The following NEK7 variants were observed in gnomAD, a reference collection of about 807,000 sequenced individuals.
NEK7 encodes serine/threonine-protein kinase Nek7.
A neutral mutation model predicts 44.6 loss-of-function variants in NEK7; 18 were observed. That is an observed-to-expected ratio of 0.40 (90% CI 0.28 to 0.60). The LOEUF (loss-of-function observed/expected upper bound fraction) is 0.60, where lower values mean the gene tolerates loss of function less well. NEK7 is among the 20% of genes least tolerant of loss of function. The pLI, the probability that NEK7 is intolerant of heterozygous loss-of-function variation, is 0.38. For synonymous variants in NEK7, 130 were observed against 121.1 expected, an observed-to-expected ratio of 1.07 and a Z score of -0.48; for missense variants, 256 against 366.5, an observed-to-expected ratio of 0.70 and a Z score of 2.46.
intron 9 of NEK7, among the ~76,000 whole-genome samples, chr1:198,306,002 T>C (rs1655014854): frequency 6.6e-6 from 1 of 152,160 alleles, no homozygotes; most frequent in Non-Finnish European, 1.5e-5. Flanking sequence ...ATATAAAAGC[T>C]TGGGCGCTGG....
At chr1:198,309,690 G>A (rs1332420531) in intron 9 of NEK7, among the ~76,000 whole-genome samples, 5 of 151,460 alleles carry the variant, frequency 3.3e-5, no homozygotes, top group Admixed American at 1.3e-4. Flanking sequence ...GAGAATATGC[G>A]GTGTTTGGTT....
intron 3 of NEK7, among the ~76,000 whole-genome samples, chr1:198,256,834 G>A (rs1212720420): frequency 2.0e-5 from 3 of 152,132 alleles, no homozygotes; most frequent in Non-Finnish European, 2.9e-5. Context: ...CAAAACTTAC[G>A]TTCTTTATGT....
chr1:198,194,039 C>G (rs1179951429), intron 1 of NEK7, among the ~76,000 whole-genome samples: 4 of 152,240 alleles, frequency 2.6e-5, no homozygotes, highest in Non-Finnish European at 2.9e-5. Context: ...TCTTTGTTTG[C>G]AGATGACATG....
intron 1 of NEK7, among the ~76,000 whole-genome samples, chr1:198,187,396 A>G (rs1266398180): frequency 6.6e-6 from 1 of 152,170 alleles, no homozygotes; most frequent in African/African-American, 2.4e-5. Context: ...CATGTGAGTC[A>G]GCATCTCTTC....
rs114974696 is a variant in NEK7 at position 198,207,377 on chromosome 1, T to G, written c.-28-25176T>G. ...TGATTCCTAGGTATTTACCAGAGCG[T>G]AGAGTGTATTGAAAACTTATGTATG... On this transcript the variant is annotated intron_variant, in intron 1 of 9. Transcript: ENST00000367385. Among the ~76,000 whole-genome samples, 146 of 152,270 alleles carry G rather than the reference T, an allele frequency of 9.6e-4. 1 individual carries two copies. Among genetic ancestry groups the G allele is most frequent in the African/African-American group, 3.4e-3 (142 of 41,570 alleles).
intron 3 of NEK7, chr1:198,256,571 T>C: frequency 7.1e-7 from 1 of 1,407,492 alleles, no homozygotes; most frequent in Non-Finnish European, 9.4e-7. Context: ...CCTTCTTCAG[T>C]GCTTCCCTTC....
chr1:198,166,481 T>C (rs1664272827), intron 1 of NEK7, among the ~76,000 whole-genome samples: 1 of 152,232 alleles, frequency 6.6e-6, no homozygotes, highest in Admixed American at 6.5e-5. Flanking sequence ...CTTAATCATT[T>C]CCAGCTTTTG....
chr1:198,165,964 A>T (rs938148271), intron 1 of NEK7, among the ~76,000 whole-genome samples: 1 of 152,208 alleles, frequency 6.6e-6, no homozygotes, highest in Non-Finnish European at 1.5e-5. Context: ...TTTTTATATG[A>T]TAGAGATGAC....
intron 1 of NEK7, among the ~76,000 whole-genome samples, chr1:198,212,089 A>G (rs1438268937): frequency 6.6e-6 from 1 of 152,224 alleles, no homozygotes; most frequent in East Asian, 1.9e-4. Flanking sequence ...ATGGGAGCGA[A>G]GCCATTCCTG....
intron 9 of NEK7, among the ~76,000 whole-genome samples, chr1:198,309,984 G>A (rs1024612542): frequency 6.6e-6 from 1 of 151,772 alleles, no homozygotes; most frequent in Non-Finnish European, 1.5e-5. Flanking sequence ...GGGTCAAATG[G>A]TATTTCTAGT....
intron 1 of NEK7, chr1:198,197,666 G>C (rs1034385941): frequency 1.1e-5 from 4 of 361,934 alleles, no homozygotes; most frequent in East Asian, 6.8e-5. Context: ...AGGCTCAGGT[G>C]GGGGTAGGGG....
intron 9 of NEK7, among the ~76,000 whole-genome samples, chr1:198,315,490 A>G (rs1195513911): frequency 6.6e-6 from 1 of 152,116 alleles, no homozygotes. Context: ...TAGCTTTTCT[A>G]AGAGGTATGA....
chr1:198,287,975 C>A (rs1017135218), intron 7 of NEK7, among the ~76,000 whole-genome samples: 4 of 152,168 alleles, frequency 2.6e-5, no homozygotes, highest in African/African-American at 9.7e-5. Flanking sequence ...GTGTACAATT[C>A]GTGTTGCCCA....
At chr1:198,224,968 G>C (rs1283800311) in intron 1 of NEK7, among the ~76,000 whole-genome samples, 1 of 152,084 alleles carries the variant, frequency 6.6e-6, no homozygotes, top group East Asian at 1.9e-4. Flanking sequence ...TTGGATGTAG[G>C]CGTTTATAGT....
chr1:198,236,242 T>C (rs1223805431), intron 2 of NEK7, among the ~76,000 whole-genome samples: 1 of 152,190 alleles, frequency 6.6e-6, no homozygotes, highest in Non-Finnish European at 1.5e-5. Context: ...AACTTGTTTC[T>C]TTTGATAAAC....
rs562794128 is a variant in NEK7 at position 198,321,766 on chromosome 1, C to T, written c.*2244C>T. 6.6e-6 allele frequency: 1 copy of T among 152,120 alleles called. No homozygotes were observed. The highest frequency in any genetic ancestry group is 2.4e-5 in the African/African-American group (1 of 41,532). The allele number at this position is 152,120 out of a possible 1,614,324, so 9.4% of individuals were successfully genotyped here. On this transcript the variant is annotated 3_prime_UTR_variant, in exon 10 of 10. Coordinates refer to ENST00000367385, the MANE Select transcript of NEK7 (RefSeq NM_133494.3). ...TTTTGAATGGAATAATTTCAAAGAACTATGAAGATGATTTGAAGCTCTAAT... is the reference window on the plus strand; with the variant it reads ...TTTTGAATGGAATAATTTCAAAGAATTATGAAGATGATTTGAAGCTCTAAT...
intron 2 of NEK7, among the ~76,000 whole-genome samples, chr1:198,247,135 AATCCATTTACAAATG>A (rs1332368396): frequency 2.0e-5 from 3 of 152,246 alleles, no homozygotes; most frequent in African/African-American, 7.2e-5. Context: ...TATGAAAAGA[AATCCATTTACAAATG>A]AACATCATGG....
intron 1 of NEK7, among the ~76,000 whole-genome samples, chr1:198,162,137 A>G (rs981996002): frequency 6.6e-6 from 1 of 152,148 alleles, no homozygotes; most frequent in African/African-American, 2.4e-5. Context: ...CTGTAGACTT[A>G]CCTGGGTGTA....
chr1:198,191,655 TTA>T (rs1020287334), intron 1 of NEK7, among the ~76,000 whole-genome samples: 2 of 152,048 alleles, frequency 1.3e-5, no homozygotes, highest in African/African-American at 4.8e-5. Context: ...AGTCGTTTTT[TTA>T]TAGTTTGTAA....
Sources: allele counts gnomAD v4.1 joint callset (sites outside exome capture counted in the v4.1 genomes callset), GRCh38; gene constraint gnomAD v4.1.1; transcripts MANE v1.5; gene names NCBI Gene and HGNC (gene_info 2026-07-23, HGNC 2026-07-21).